Variants in CLEC9A observed in about 807,000 individuals in gnomAD.
CLEC9A encodes the protein C-type lectin domain containing 9A, also known as C-type lectin domain family 9 member A.
In CLEC9A, 24 loss-of-function variants were observed where a neutral mutation model predicts 30.0. The ratio of observed to expected loss-of-function variants is 0.80; its 90% CI spans 0.58 to 1.13. The LOEUF is 1.13. CLEC9A is among the 50% of genes most tolerant of loss of function. The pLI, the probability that CLEC9A is intolerant of heterozygous loss-of-function variation, is 0.00. For missense variants in CLEC9A, 251 were observed against 280.9 expected (o/e 0.89, Z 0.76); for synonymous variants, 111 against 96.8 (o/e 1.15, Z -0.86).
intron 1 of CLEC9A, among the ~76,000 whole-genome samples, chr12:10,032,472 T>G (rs1396316558): frequency 1.4e-5 from 2 of 140,858 alleles, no homozygotes; most frequent in Non-Finnish European, 3.0e-5. Context: ...CTCACTGCAA[T>G]CTCCGCCTCC....
Position 10,065,865 on chromosome 12 carries a change from C to T in CLEC9A, c.*233C>T. On this transcript the variant is annotated 3_prime_UTR_variant, in exon 9 of 9. Transcript: ENST00000355819. ...TTATTTAGAGCTACAGAAGACAAAA[C>T]CCTGAAGAGTTAAGAACAAACGCAA... 4.6e-6 allele frequency: 2 copies of T among 432,136 alleles called. No homozygotes were observed. Among genetic ancestry groups the T allele is most frequent in the Non-Finnish European group, 8.2e-6 (2 of 242,692 alleles). The allele number at this position is 432,136 out of a possible 1,614,324, so 26.8% of individuals were successfully genotyped here.
rs185609205 is a variant in CLEC9A, at chr12:10,034,678, G to T, written c.-318+3706G>T. On this transcript the variant is annotated intron_variant, in intron 1 of 8. Transcript: ENST00000355819. ...TGGGAAAAGTTCTCTTGTCCCCCTA[G>T]CAGAGTGTGCAATGGAGGTATGGCT... Among the ~76,000 whole-genome samples, 18 of 152,288 alleles carry T rather than the reference G, an allele frequency of 1.2e-4. No homozygotes were observed. The East Asian group carries it at 3.3e-3, about 28-fold the overall frequency.
chr12:10,062,334 T>C (rs950347844), intron 6 of CLEC9A, among the ~76,000 whole-genome samples: 2 of 152,318 alleles, frequency 1.3e-5, no homozygotes, highest in Middle Eastern at 3.4e-3. Flanking sequence ...TTTCCTTCTA[T>C]AAACCTGTGC....
intron 1 of CLEC9A, among the ~76,000 whole-genome samples, chr12:10,040,058 A>G (rs1297864518): frequency 6.6e-6 from 1 of 152,206 alleles, no homozygotes; most frequent in Non-Finnish European, 1.5e-5. Context: ...CCTGGCCTCA[A>G]GTGATGTGCC....
intron 1 of CLEC9A, among the ~76,000 whole-genome samples, chr12:10,032,759 C>T (rs775998198): frequency 2.0e-5 from 3 of 152,086 alleles, no homozygotes; most frequent in Non-Finnish European, 2.9e-5. Context: ...CTTTTCATCT[C>T]CACTTGTTCA....
chr12:10,051,377 A>G (rs1865891858), intron 2 of CLEC9A, among the ~76,000 whole-genome samples: 1 of 152,198 alleles, frequency 6.6e-6, no homozygotes, highest in African/African-American at 2.4e-5. Context: ...TAATTGAGCC[A>G]ATAGAAGGCA....
chr12:10,038,477 A>G (rs1865762046), intron 1 of CLEC9A, among the ~76,000 whole-genome samples: 1 of 152,254 alleles, frequency 6.6e-6, no homozygotes, highest in Non-Finnish European at 1.5e-5. Flanking sequence ...TATAACCCAC[A>G]TAGTTACTAT....
At chr12:10,055,425 A>G (rs1865933308) in intron 5 of CLEC9A, among the ~76,000 whole-genome samples, 1 of 152,222 alleles carries the variant, frequency 6.6e-6, no homozygotes, top group Non-Finnish European at 1.5e-5. Context: ...CACATTGCCA[A>G]ACTTCATTGT....
At position 10,063,104 on chromosome 12, in the gene CLEC9A, T is replaced by C. The variant is rs1866011634; in HGVS notation, c.369T>C (p.Ser123=). 3 of 1,612,264 alleles carry C rather than the reference T, an allele frequency of 1.9e-6. No individual in the cohort carries two copies. Among genetic ancestry groups the C allele is most frequent in the South Asian group, 1.1e-5 (1 of 90,816 alleles). The change falls in exon 7 of 9, where the codon AGT becomes AGC. Residue 123 remains serine, a synonymous_variant. Transcript: ENST00000355819. ...ACAATTGGATTCAGAACAGAGAAAG[T>C]TGTTACTATGTCTCTGAAATTTGGA... ...CPNNWIQNRE[S]CYYVSEIWSI... is the part of the protein sequence containing the mutation.
At chr12:10,063,894 G>T (rs1412041179) in intron 7 of CLEC9A, among the ~76,000 whole-genome samples, 1 of 152,090 alleles carries the variant, frequency 6.6e-6, no homozygotes, top group Non-Finnish European at 1.5e-5. Context: ...TGTAATTCCA[G>T]CTACGTGGGA....
chr12:10,041,141 G>T (rs1331833976), intron 1 of CLEC9A, among the ~76,000 whole-genome samples: 1 of 152,060 alleles, frequency 6.6e-6, no homozygotes, highest in Non-Finnish European at 1.5e-5. Context: ...AGCTACTCGG[G>T]AGGCTGAGGC....
chr12:10,054,224 T>C (rs928823646), intron 4 of CLEC9A, 47 bp from the exon 5 acceptor site: 2 of 1,469,996 alleles, frequency 1.4e-6, no homozygotes, highest in Admixed American at 3.5e-5. Flanking sequence ...CCGTCTTTTT[T>C]ATCTGCTTTC....
intron 7 of CLEC9A, among the ~76,000 whole-genome samples, 181 bp downstream of exon 7, chr12:10,063,387 A>G (rs1866014463): frequency 6.6e-6 from 1 of 152,228 alleles, no homozygotes. Context: ...TTTAATGGGA[A>G]AACATAAAAA....
intron 4 of CLEC9A, among the ~76,000 whole-genome samples, chr12:10,053,755 T>C (rs914695932): frequency 3.9e-5 from 6 of 152,252 alleles, no homozygotes; most frequent in African/African-American, 9.6e-5. Context: ...CTTTTTTTTT[T>C]CCTCTCTGCA....
intron 6 of CLEC9A, 41 bp from the exon 7 acceptor site, chr12:10,063,014 T>C: frequency 1.3e-6 from 2 of 1,540,182 alleles, no homozygotes; most frequent in African/African-American, 1.4e-5. Flanking sequence ...GTTGTTAATA[T>C]TTTACAATAA....
chr12:10,048,187 T>C (rs1015855382), intron 2 of CLEC9A, among the ~76,000 whole-genome samples: 1 of 148,460 alleles, frequency 6.7e-6, no homozygotes, highest in African/African-American at 2.5e-5. Context: ...GAGCCGAGAT[T>C]GCGCCACTGC....
intron 2 of CLEC9A, among the ~76,000 whole-genome samples, chr12:10,043,989 A>AT (rs1865822731): frequency 6.6e-6 from 1 of 151,948 alleles, no homozygotes. Flanking sequence ...CTCTCCATAT[A>AT]TTTTTTAAAC....
chr12:10,043,318 T>C (rs1865813741), intron 2 of CLEC9A: 3 of 204,948 alleles, frequency 1.5e-5, no homozygotes, highest in South Asian at 1.3e-4. Context: ...TCTAAAAAAA[T>C]ATGTAAGTCC....
intron 2 of CLEC9A, among the ~76,000 whole-genome samples, chr12:10,047,849 G>C (rs1591888459): frequency 6.6e-6 from 1 of 152,208 alleles, no homozygotes; most frequent in East Asian, 1.9e-4. Context: ...AGCTGGTAGA[G>C]GGTCGTGCCT....
Sources: gnomAD v4.1 joint callset for allele counts (sites outside exome capture counted in the v4.1 genomes callset) on GRCh38, gnomAD v4.1.1 for gene constraint, MANE v1.5 for transcripts, NCBI Gene and HGNC (gene_info 2026-07-23, HGNC 2026-07-21) for gene names.